Variants in MAG observed in about 807,000 individuals in gnomAD.
The protein encoded by MAG is myelin-associated glycoprotein.
A neutral mutation model predicts 60.7 loss-of-function variants in MAG; 30 were observed. The observed-to-expected ratio is 0.49, with a 90% confidence interval of 0.37 to 0.67. The LOEUF is 0.67. Among genes scored for constraint, MAG ranks in the 30% least tolerant of loss-of-function variants. The pLI is 0.00. For synonymous variants in MAG, 384 were observed against 376.8 expected, an observed-to-expected ratio of 1.02 and a Z score of -0.22; for missense variants, 795 against 851.7, an observed-to-expected ratio of 0.93 and a Z score of 0.83.
intron 7 of MAG, among the ~76,000 whole-genome samples, chr19:35,309,413 G>A (rs1294358708): frequency 1.3e-5 from 2 of 152,110 alleles, no homozygotes; most frequent in African/African-American, 2.4e-5. Context: ...GCCCAGGGCT[G>A]GGGCTGGTTT....
intron 1 of MAG, 64 bp downstream of exon 1, chr19:35,292,268 C>A (rs934677178): frequency 1.1e-5 from 5 of 455,790 alleles, no homozygotes; most frequent in African/African-American, 8.0e-5. Flanking sequence ...GGCACCCAGA[C>A]GTGAGCAGGG....
intron 6 of MAG, 127 bp downstream of exon 6, chr19:35,300,531 T>A (rs1229758101): frequency 8.3e-6 from 10 of 1,207,172 alleles, no homozygotes; most frequent in Non-Finnish European, 8.8e-6. Context: ...GAGGCCAAGG[T>A]AGACAGGGGG....
chr19:35,302,618 G>A lies in MAG; in HGVS notation c.1141G>A (p.Ala381Thr). 6.2e-7 allele frequency: 1 copy of A among 1,614,196 alleles called. No homozygotes were observed. The highest frequency in any genetic ancestry group is 8.5e-7 in the Non-Finnish European group (1 of 1,180,044). ...GAGCGAGCTGCAGCTGGAGCTGCCGGCCGTGTCACCCGAGGATGATGGAGA... is the reference window on the plus strand; with the variant it reads ...GAGCGAGCTGCAGCTGGAGCTGCCGACCGTGTCACCCGAGGATGATGGAGA... Reference protein sequence around the residue: ...YESELQLELPAVSPEDDGEYW... With the variant: ...YESELQLELPTVSPEDDGEYW... The change falls in exon 7 of 11, where the codon GCC becomes ACC. Residue 381 changes from alanine to threonine, a missense_variant. Transcript: ENST00000392213.
chr19:35,307,384 G>A (rs1055693097), intron 7 of MAG, among the ~76,000 whole-genome samples: 2 of 152,208 alleles, frequency 1.3e-5, no homozygotes, highest in Admixed American at 1.3e-4. Context: ...TCTCTTGCCT[G>A]TGTGTAAGTG....
chr19:35,302,301 A>G lies in MAG; in HGVS notation c.971-147A>G, dbSNP rs1599652699. Reference sequence around the variant, plus strand: ...TACCAAGCTGCTGTTCTTGGAAATGAGATAGCCAGGACTGGGGTCACCTGA... The same window carrying G: ...TACCAAGCTGCTGTTCTTGGAAATGGGATAGCCAGGACTGGGGTCACCTGA... On this transcript the variant is annotated intron_variant, in intron 6 of 10. Coordinates refer to ENST00000392213, the MANE Select transcript of MAG (RefSeq NM_002361.4). 4 of 833,170 alleles carry G rather than the reference A, an allele frequency of 4.8e-6. No individual in the cohort carries two copies. In the East Asian group the frequency reaches 8.0e-5, roughly 17 times the overall value. 51.6% of individuals were successfully genotyped at this position (833,170 alleles called of 1,614,324 possible).
At chr19:35,292,633 G>A (rs2066365135) in intron 1 of MAG, among the ~76,000 whole-genome samples, 1 of 148,214 alleles carries the variant, frequency 6.7e-6, no homozygotes, top group South Asian at 2.2e-4. Flanking sequence ...CTAGCACCTG[G>A]GCACATAGCA....
rs1599645597 is a variant in MAG at position 35,293,568 on chromosome 19, G to T, written c.-79-667G>T. On this transcript the variant is annotated intron_variant, in intron 1 of 10. Transcript: ENST00000392213. This position sits in a 1 kb window ranked among gnomAD's most constrained non-coding sequence, Gnocchi z 4.0. ...TCTCTGTCCGTGGGAAGAGGGCGGT[G>T]AAGGCTGGGAAAAGCAATTGCTTGG... Among the ~76,000 whole-genome samples, 1 of 152,160 alleles carries T rather than the reference G, an allele frequency of 6.6e-6. No homozygotes were observed. The highest frequency in any genetic ancestry group is 2.1e-4 in the South Asian group (1 of 4,822).
intron 6 of MAG, among the ~76,000 whole-genome samples, chr19:35,300,969 A>C (rs2066444523): frequency 1.3e-5 from 2 of 152,218 alleles, no homozygotes; most frequent in African/African-American, 4.8e-5. Context: ...CTTGGGCTCA[A>C]GCAAGCCTCC....
chr19:35,310,642 A>T lies in MAG; in HGVS notation c.1615A>T (p.Lys539Ter). 1.2e-6 allele frequency: 2 copies of T among 1,613,946 alleles called. No homozygotes were observed. The highest frequency in any genetic ancestry group is 1.7e-6 in the Non-Finnish European group (2 of 1,179,968). The change falls in exon 9 of 11, where the codon AAA becomes TAA. Residue 539 changes from lysine to a stop codon, truncating the protein, a stop_gained and splice_region_variant. Transcript: ENST00000392213. LOFTEE classifies it high-confidence loss of function. ...IVCYITQTRR[K>*]KNVTESPSFS... Reference sequence around the variant, plus strand: ...CTGCTACATTACCCAGACACGCAGGAAGTGAGTGCCAGCTGGGGCTGATCT... The same window carrying T: ...CTGCTACATTACCCAGACACGCAGGTAGTGAGTGCCAGCTGGGGCTGATCT...
Position 35,295,794 on chromosome 19 carries a change from G to T in MAG, c.228G>T (p.Ser76=), listed in dbSNP as rs142334011. Residue 76 remains serine, a synonymous_variant, in exon 4 of 11, where the codon TCG becomes TCT. Transcript: ENST00000392213. The surrounding 1 kb of genome is among the most constrained non-coding windows in gnomAD (Gnocchi z 5.8). ...ACTACCCCCCGGTGGTCTTCAAGTC[G>T]CGCACCCAAGTAGTCCACGAGAGCT... The part of the protein sequence containing the change: ...PKNYPPVVFK[S]RTQVVHESFQ... 9.9e-6 allele frequency: 16 copies of T among 1,613,564 alleles called. No individual in the cohort carries two copies. In the Admixed American group the frequency reaches 1.0e-4, roughly 10 times the overall value.
At position 35,312,378 on chromosome 19, in the gene MAG, G is replaced by A; in HGVS notation, c.1716+361G>A. On this transcript the variant is annotated intron_variant, in intron 10 of 10. Coordinates refer to ENST00000392213, the MANE Select transcript of MAG (RefSeq NM_002361.4). ...TCCTCTGGGCCCTCCTTGGGCCCTGGGGTTGGCGTGCATGTCCGTGTGTCC... is the reference window on the plus strand; with the variant it reads ...TCCTCTGGGCCCTCCTTGGGCCCTGAGGTTGGCGTGCATGTCCGTGTGTCC... The A allele has an allele frequency of 4.0e-6, 6 of 1,504,200 alleles. No homozygotes were observed. The South Asian group carries it at 4.5e-5, about 11-fold the overall frequency. 93.2% of individuals were successfully genotyped at this position (1,504,200 alleles called of 1,614,324 possible).
At chr19:35,292,850 T>G (rs1218548885) in intron 1 of MAG, among the ~76,000 whole-genome samples, 3 of 152,160 alleles carry the variant, frequency 2.0e-5, no homozygotes, top group Non-Finnish European at 4.4e-5. Context: ...TTCTCCCAAC[T>G]TGGCCTTCCA....
chr19:35,303,760 C>T (rs1298950279), intron 7 of MAG, among the ~76,000 whole-genome samples: 2 of 152,126 alleles, frequency 1.3e-5, no homozygotes, highest in East Asian at 3.9e-4. Context: ...GCCAGCGCCT[C>T]TCATCTCCTC....
chr19:35,308,779 A>T (rs1341200568), intron 7 of MAG, among the ~76,000 whole-genome samples: 1 of 152,140 alleles, frequency 6.6e-6, no homozygotes, highest in Non-Finnish European at 1.5e-5. Flanking sequence ...TTTGCTGTAT[A>T]CATTACATTG....
At chr19:35,311,807 C>T in intron 9 of MAG, 111 bp from the exon 10 acceptor site, 1 of 699,212 alleles carries the variant, frequency 1.4e-6, no homozygotes, top group Non-Finnish European at 2.6e-6. Flanking sequence ...CTGCTTGCCA[C>T]ATCTTAGAGA....
intron 8 of MAG, 69 bp downstream of exon 8, chr19:35,310,230 G>A: frequency 6.6e-7 from 1 of 1,525,228 alleles, no homozygotes; most frequent in Non-Finnish European, 8.9e-7. Flanking sequence ...AAGCTCCCAA[G>A]GCTGACCAAC....
chr19:35,302,649 GGTGT>G lies in MAG; in HGVS notation c.1176_1179del (p.Cys392TrpfsTer42). ...TCACCCGAGGATGATGGAGAGTACT[GGTGT>G]GTGGCTGAGAACCAGTATGGCCAGA... On this transcript the variant is annotated frameshift_variant, in exon 7 of 11. Transcript: ENST00000392213. LOFTEE classifies it high-confidence loss of function. 1 of 1,614,206 alleles carries G rather than the reference GGTGT, an allele frequency of 6.2e-7. No homozygotes were observed. Among genetic ancestry groups the G allele is most frequent in the South Asian group, 1.1e-5 (1 of 91,090 alleles).
At chr19:35,304,550 T>TA (rs1213050198) in intron 7 of MAG, among the ~76,000 whole-genome samples, 9 of 151,342 alleles carry the variant, frequency 5.9e-5, no homozygotes, top group African/African-American at 2.2e-4. Flanking sequence ...TTATTATTAT[T>TA]TTTTTTTTGA....
intron 6 of MAG, 54 bp downstream of exon 6, chr19:35,300,458 G>C (rs2066441043): frequency 1.3e-6 from 2 of 1,512,312 alleles, no homozygotes; most frequent in African/African-American, 2.7e-5. Context: ...AGAGATAAAG[G>C]GAAAGGGGCC....
Sources: allele counts gnomAD v4.1 joint callset (sites outside exome capture counted in the v4.1 genomes callset), GRCh38; gene constraint gnomAD v4.1.1; non-coding constraint Gnocchi (gnomAD v3.1); transcripts MANE v1.5; gene names NCBI Gene and HGNC (gene_info 2026-07-23, HGNC 2026-07-21).